The following LDB2 variants were observed in gnomAD, a reference collection of about 807,000 sequenced individuals.
LDB2 encodes the protein LIM domain-binding protein 2.
A neutral mutation model predicts 44.3 loss-of-function variants in LDB2; 12 were observed. The observed-to-expected ratio is 0.27, with a 90% confidence interval of 0.17 to 0.44. The LOEUF (loss-of-function observed/expected upper bound fraction) is 0.44. LDB2 is among the 20% of genes least tolerant of loss of function. LDB2 has a pLI of 1.00. For missense variants in LDB2, 344 were observed against 473.5 expected, an observed-to-expected ratio of 0.73 and a Z score of 2.54; for synonymous variants, 164 against 174.8, an observed-to-expected ratio of 0.94 and a Z score of 0.49.
intron 2 of LDB2, among the ~76,000 whole-genome samples, chr4:16,685,402 T>C (rs1472559142): frequency 1.3e-5 from 2 of 150,734 alleles, no homozygotes; most frequent in African/African-American, 2.4e-5. Flanking sequence ...TTTTTTGTTT[T>C]TTTGTTTTGT....
chr4:16,549,179 A>T (rs545648401), intron 5 of LDB2, among the ~76,000 whole-genome samples: 1 of 152,318 alleles, frequency 6.6e-6, no homozygotes, highest in East Asian at 1.9e-4. Context: ...TGCTGTTTCA[A>T]AGTTTTTCCT....
chr4:16,884,517 C>G lies in LDB2; in HGVS notation c.132+13837G>C, dbSNP rs1348144853. On this transcript the variant is annotated intron_variant, in intron 1 of 7. Coordinates refer to ENST00000304523, the MANE Select transcript of LDB2 (RefSeq NM_001290.5). ...GCCTCAGCAGTGTCAAAATCTTCACCCTTCCTAAAATATAATATCACTTTA... is the reference window on the plus strand; with the variant it reads ...GCCTCAGCAGTGTCAAAATCTTCACGCTTCCTAAAATATAATATCACTTTA... 3.3e-5 allele frequency among the ~76,000 whole-genome samples: 5 copies of G among 152,224 alleles called. No homozygotes were observed. In the East Asian group the frequency reaches 7.7e-4, roughly 24 times the overall value.
chr4:16,582,000 GGGAAGGAA>G (rs35585551), intron 5 of LDB2, among the ~76,000 whole-genome samples: 22,279 of 103,216 alleles, frequency 0.22, 1,944 homozygotes, highest in East Asian at 0.26. Context: ...AGGGAAGGAA[GGGAAGGAA>G]GGAAGGAAGG....
At chr4:16,865,509 C>T (rs1256180554) in intron 1 of LDB2, among the ~76,000 whole-genome samples, 1 of 152,190 alleles carries the variant, frequency 6.6e-6, no homozygotes, top group Non-Finnish European at 1.5e-5. Flanking sequence ...CACCTCCTCA[C>T]ACCAGCTCCT....
chr4:16,581,506 T>A, intron 5 of LDB2: 1 of 821,064 alleles, frequency 1.2e-6, no homozygotes, highest in Non-Finnish European at 1.5e-6. Context: ...TGTTGGTACC[T>A]AAAACAAACT....
intron 1 of LDB2, among the ~76,000 whole-genome samples, chr4:16,820,114 A>C (rs1294072835): frequency 6.6e-6 from 1 of 152,248 alleles, no homozygotes; most frequent in East Asian, 1.9e-4. Context: ...TGAGGAATAA[A>C]GTTCAAATGG....
intron 1 of LDB2, among the ~76,000 whole-genome samples, chr4:16,816,657 C>T (rs534920657): frequency 1.3e-4 from 20 of 152,130 alleles, no homozygotes; most frequent in East Asian, 7.8e-4. Context: ...GCGATCCGCC[C>T]GCCTTGGCTT....
At chr4:16,624,390 C>T (rs1729726584) in intron 2 of LDB2, among the ~76,000 whole-genome samples, 2 of 151,514 alleles carry the variant, frequency 1.3e-5, no homozygotes, top group Non-Finnish European at 2.9e-5. Flanking sequence ...AGCCACCATG[C>T]CAAGTTACAC....
At chr4:16,595,929 C>G in intron 2 of LDB2, 54 bp from the exon 3 acceptor site, 11 of 1,548,510 alleles carry the variant, frequency 7.1e-6, no homozygotes, top group Non-Finnish European at 9.7e-6. Flanking sequence ...CCACCAGCCC[C>G]ACACACCCAA....
chr4:16,824,863 T>C (rs1782766174), intron 1 of LDB2, among the ~76,000 whole-genome samples: 1 of 152,136 alleles, frequency 6.6e-6, no homozygotes, highest in Admixed American at 6.5e-5. Context: ...GATAGGAAAG[T>C]GAATAAGACA....
At chr4:16,700,472 G>T (rs187491597) in intron 2 of LDB2, among the ~76,000 whole-genome samples, 1 of 152,144 alleles carries the variant, frequency 6.6e-6, no homozygotes, top group Non-Finnish European at 1.5e-5. Flanking sequence ...TCACTTACAC[G>T]TAAACACATT....
intron 1 of LDB2, among the ~76,000 whole-genome samples, chr4:16,779,559 G>T (rs1772702292): frequency 6.6e-6 from 1 of 152,184 alleles, no homozygotes. Flanking sequence ...AAGACACGAG[G>T]TGAGTAACCT....
intron 5 of LDB2, among the ~76,000 whole-genome samples, chr4:16,580,866 T>A (rs1464802996): frequency 6.6e-6 from 1 of 152,206 alleles, no homozygotes; most frequent in Non-Finnish European, 1.5e-5. Flanking sequence ...TTTCTTTATA[T>A]TGTTGGAGAT....
intron 2 of LDB2, among the ~76,000 whole-genome samples, chr4:16,757,727 C>A (rs1766965077): frequency 6.6e-6 from 1 of 152,082 alleles, no homozygotes; most frequent in African/African-American, 2.4e-5. Context: ...TGTCGGACTG[C>A]TGAGTTCATT....
intron 2 of LDB2, among the ~76,000 whole-genome samples, chr4:16,672,525 C>G (rs1407466153): frequency 6.6e-6 from 1 of 152,112 alleles, no homozygotes; most frequent in Non-Finnish European, 1.5e-5. Flanking sequence ...GTTCTAGTTT[C>G]TTTTTTAAAC....
intron 1 of LDB2, among the ~76,000 whole-genome samples, chr4:16,883,508 C>T (rs925248191): frequency 1.3e-5 from 2 of 152,226 alleles, no homozygotes; most frequent in African/African-American, 4.8e-5. Context: ...AAGAGCCACA[C>T]CAGATACCCG....
In LDB2 at chr4:16,848,958, G is replaced by A. The variant is rs1393557789; in HGVS notation, c.132+49396C>T. Among the ~76,000 whole-genome samples the A allele has an allele frequency of 2.6e-5, 4 of 152,142 alleles. No individual in the cohort carries two copies. The South Asian group carries it at 8.3e-4, about 31-fold the overall frequency. ...ACATCTACTGATATATCTGATTAAA[G>A]CCTAAATCAAATCACACCACTCCCT... On this transcript the variant is annotated intron_variant, in intron 1 of 7. Coordinates refer to ENST00000304523, the MANE Select transcript of LDB2 (RefSeq NM_001290.5).
intron 1 of LDB2, among the ~76,000 whole-genome samples, chr4:16,891,544 C>T (rs568615745): frequency 6.6e-6 from 1 of 152,166 alleles, no homozygotes; most frequent in African/African-American, 2.4e-5. Flanking sequence ...AACTTCTGAC[C>T]TCATGATCTG....
At chr4:16,571,320 G>A (rs955878004) in intron 5 of LDB2, among the ~76,000 whole-genome samples, 1 of 152,142 alleles carries the variant, frequency 6.6e-6, no homozygotes, top group African/African-American at 2.4e-5. Flanking sequence ...TTGAAACCTG[G>A]GATTTTGAAG....
Sources: allele counts gnomAD v4.1 joint callset (sites outside exome capture counted in the v4.1 genomes callset), GRCh38; gene constraint gnomAD v4.1.1; transcripts MANE v1.5; gene names NCBI Gene and HGNC (gene_info 2026-07-23, HGNC 2026-07-21).